CORO7: variants seen among roughly 807,000 people sequenced by gnomAD.
The protein encoded by CORO7 is coronin-7.
In CORO7, 107 loss-of-function variants were observed where a neutral mutation model predicts 126.6. That is an observed-to-expected ratio of 0.85 (90% CI 0.72 to 0.99). CORO7 has a LOEUF of 0.99. CORO7 is among the 50% of genes least tolerant of loss of function. CORO7 has a pLI of 0.00. For synonymous variants in CORO7, 603 were observed against 536.8 expected (o/e 1.12, Z -1.70); for missense variants, 1,314 against 1,255.8 (o/e 1.05, Z -0.70).
rs759268868 is a variant in CORO7 at position 4,360,263 on chromosome 16, T to C, written c.2108+15A>G. On this transcript the variant is annotated intron_variant, in intron 21 of 27. Coordinates refer to ENST00000251166, the MANE Select transcript of CORO7 (RefSeq NM_024535.5). Reference sequence around the variant, plus strand: ...GGCTTCTGAAGCCTGGGGATGGGGATGCCTGAGTCCTCACCTGTCAAAGCC... The same window carrying C: ...GGCTTCTGAAGCCTGGGGATGGGGACGCCTGAGTCCTCACCTGTCAAAGCC... 1.9e-6 allele frequency: 3 copies of C among 1,613,312 alleles called. No homozygotes were observed. The Admixed American group carries it at 5.0e-5, about 27-fold the overall frequency.
intron 9 of CORO7, among the ~76,000 whole-genome samples, chr16:4,373,657 C>G (rs2054612320): frequency 6.6e-6 from 1 of 152,152 alleles, no homozygotes; most frequent in South Asian, 2.1e-4. Context: ...TTACTGTCAC[C>G]CCCACTGACA....
At chr16:4,365,446 A>C (rs1447297311) in intron 10 of CORO7, 45 bp downstream of exon 10, 2 of 1,551,886 alleles carry the variant, frequency 1.3e-6, no homozygotes, top group Non-Finnish European at 1.7e-6. Context: ...CAGGGGCTGG[A>C]CTCCAGGCTG....
rs139697181 is a variant in CORO7 at position 4,398,143 on chromosome 16, C to T, written c.565-2804G>A. ...CTATCTTGAGCAGGCTGGTTTTGAACTCCTGGCCTCGAGTAATCCTTCTGC... is the reference window on the plus strand; with the variant it reads ...CTATCTTGAGCAGGCTGGTTTTGAATTCCTGGCCTCGAGTAATCCTTCTGC... On this transcript the variant is annotated intron_variant, in intron 6 of 27. Coordinates refer to ENST00000251166, the MANE Select transcript of CORO7 (RefSeq NM_024535.5). Among the ~76,000 whole-genome samples, 8 of 149,656 alleles carry T rather than the reference C, an allele frequency of 5.3e-5. No individual in the cohort carries two copies. In the East Asian group the frequency reaches 1.6e-3, roughly 30 times the overall value.
chr16:4,411,511 G>A (rs771895102), intron 3 of CORO7, among the ~76,000 whole-genome samples: 4 of 152,052 alleles, frequency 2.6e-5, no homozygotes, highest in Non-Finnish European at 4.4e-5. Context: ...AGACCAGCCC[G>A]GGCAATATAG....
chr16:4,392,233 C>T (rs1367594821), intron 7 of CORO7, among the ~76,000 whole-genome samples: 2 of 152,154 alleles, frequency 1.3e-5, no homozygotes, highest in African/African-American at 4.8e-5. Context: ...TCACCCAGCC[C>T]CAGCTGGGCC....
chr16:4,391,699 C>G (rs552121134), intron 7 of CORO7, among the ~76,000 whole-genome samples: 1 of 152,262 alleles, frequency 6.6e-6, no homozygotes, highest in Non-Finnish European at 1.5e-5. Context: ...CCACTGCACT[C>G]CCGCCTGGGC....
chr16:4,368,523 C>T (rs750838108), intron 9 of CORO7, among the ~76,000 whole-genome samples: 1 of 151,156 alleles, frequency 6.6e-6, no homozygotes, highest in Non-Finnish European at 1.5e-5. Flanking sequence ...TTTGGGAGGC[C>T]GATCACTTTG....
chr16:4,360,305 C>A lies in CORO7; in HGVS notation c.2081G>T (p.Arg694Leu), dbSNP rs750579955. The change falls in exon 21 of 28, where the codon CGC (arginine) becomes CTC (leucine). Residue 694 changes from arginine (R) to leucine (L), a missense_variant. Physicochemically the swap from Arg to Leu is moderately radical, Grantham distance 102. Transcript: ENST00000251166. Reference sequence around the variant, plus strand: ...GTCAAAGCCAGACACCAGCAGACAGCGACCATCACATACCCAGACAATGCG... The same window carrying A: ...GTCAAAGCCAGACACCAGCAGACAGAGACCATCACATACCCAGACAATGCG... ...GARIVWVCDGRCLLVSGFDSQ... is the reference protein window; with the variant it reads ...GARIVWVCDGLCLLVSGFDSQ... The A allele has an allele frequency of 4.3e-6, 7 of 1,613,522 alleles. No individual in the cohort carries two copies. The highest frequency in any genetic ancestry group is 5.9e-6 in the Non-Finnish European group (7 of 1,179,992).
At chr16:4,389,038 G>A (rs1414754668) in intron 7 of CORO7, among the ~76,000 whole-genome samples, 7 of 152,188 alleles carry the variant, frequency 4.6e-5, no homozygotes. Context: ...CATTTCTCTC[G>A]CTTGTGTAAG....
chr16:4,388,077 A>G lies in CORO7; in HGVS notation c.703-9T>C. 6.2e-7 allele frequency: 1 copy of G among 1,608,672 alleles called. No individual in the cohort carries two copies. Among genetic ancestry groups the G allele is most frequent in the Non-Finnish European group, 8.5e-7 (1 of 1,178,010 alleles). On this transcript the variant is annotated splice_polypyrimidine_tract_variant and intron_variant, in intron 8 of 27. Coordinates refer to ENST00000251166, the MANE Select transcript of CORO7 (RefSeq NM_024535.5). ...ACTTCGCGCTCACGCATCTGCAGGG[A>G]GGGCGAGAGAGGGGCTCAGAGGGGC...
At chr16:4,411,143 A>C (rs958589079) in intron 3 of CORO7, among the ~76,000 whole-genome samples, 2 of 152,166 alleles carry the variant, frequency 1.3e-5, no homozygotes, top group Non-Finnish European at 1.5e-5. Context: ...GGGCCCCAAA[A>C]CTTTGGGAGG....
At chr16:4,382,807 GC>G in intron 9 of CORO7, 11 of 1,593,278 alleles carry the variant, frequency 6.9e-6, no homozygotes, top group Non-Finnish European at 8.5e-6. Context: ...CGGTGGAGAG[GC>G]CCTGCCCAGC....
chr16:4,366,186 ACCCCAGGCCTGCTG>A (rs1318780664), intron 9 of CORO7, among the ~76,000 whole-genome samples: 1 of 152,006 alleles, frequency 6.6e-6, no homozygotes, highest in East Asian at 1.9e-4. Context: ...TTCCCTGCAC[ACCCCAGGCCTGCTG>A]CCCCGGCCGA....
intron 7 of CORO7, among the ~76,000 whole-genome samples, chr16:4,392,424 C>G (rs1284645481): frequency 6.6e-6 from 1 of 152,208 alleles, no homozygotes. Flanking sequence ...AAGGGTCATA[C>G]ATGCAGTATA....
intron 21 of CORO7, among the ~76,000 whole-genome samples, chr16:4,360,063 C>A (rs2054113145): frequency 6.7e-6 from 1 of 149,318 alleles, no homozygotes; most frequent in South Asian, 2.2e-4. Context: ...AGCCATCCGC[C>A]CATCTATCCC....
At chr16:4,387,197 C>T (rs1366013989) in intron 9 of CORO7, among the ~76,000 whole-genome samples, 1 of 152,080 alleles carries the variant, frequency 6.6e-6, no homozygotes, top group Non-Finnish European at 1.5e-5. Flanking sequence ...GCCTCAGTCT[C>T]CCCAGCTGTG....
At chr16:4,397,135 G>A (rs938286346) in intron 6 of CORO7, among the ~76,000 whole-genome samples, 6 of 151,792 alleles carry the variant, frequency 4.0e-5, no homozygotes, top group East Asian at 1.9e-4. Flanking sequence ...CAATAAACCC[G>A]TCTTAAATTG....
intron 3 of CORO7, among the ~76,000 whole-genome samples, 185 bp from the exon 4 acceptor site, chr16:4,408,436 G>A (rs766695974): frequency 1.3e-5 from 2 of 152,194 alleles, no homozygotes; most frequent in South Asian, 4.1e-4. Context: ...CGTCCCCGAG[G>A]GCCCTGCTGA....
intron 1 of CORO7, among the ~76,000 whole-genome samples, chr16:4,414,967 T>C (rs2056353077): frequency 6.6e-6 from 1 of 152,180 alleles, no homozygotes; most frequent in African/African-American, 2.4e-5. Context: ...GCTCAAGAGA[T>C]CCTCCAACCT....
Sources: allele counts gnomAD v4.1 joint callset (sites outside exome capture counted in the v4.1 genomes callset), GRCh38; gene constraint gnomAD v4.1.1; transcripts MANE v1.5; gene names NCBI Gene and HGNC (gene_info 2026-07-23, HGNC 2026-07-21).